Variants in CLASP1 observed in about 807,000 individuals in gnomAD.
CLASP1 encodes cytoplasmic linker associated protein 1, also known as CLIP-associating protein 1.
In CLASP1, 38 loss-of-function variants were observed where a neutral mutation model predicts 192.3. The observed-to-expected ratio is 0.20, with a 90% confidence interval of 0.15 to 0.26. The LOEUF is 0.26. Among genes scored for constraint, CLASP1 ranks in the 10% least tolerant of loss-of-function variants. The pLI is 1.00. For synonymous variants in CLASP1, 691 were observed against 712.8 expected, an observed-to-expected ratio of 0.97 and a Z score of 0.49; for missense variants, 1,433 against 1,932.5, an observed-to-expected ratio of 0.74 and a Z score of 4.85.
intron 2 of CLASP1, among the ~76,000 whole-genome samples, chr2:121,582,369 CAA>C (rs1407283420): frequency 8.1e-6 from 1 of 124,104 alleles, no homozygotes; most frequent in African/African-American, 3.2e-5. Context: ...GAAAGAAAGA[CAA>C]AGACAGAAAG....
At chr2:121,432,995 T>C (rs941040373) in intron 19 of CLASP1, among the ~76,000 whole-genome samples, 1 of 152,196 alleles carries the variant, frequency 6.6e-6, no homozygotes, top group Non-Finnish European at 1.5e-5. Flanking sequence ...AAAGAATTTC[T>C]GAAATTTCAC....
At chr2:121,353,055 C>T (rs1218868946) in intron 37 of CLASP1, among the ~76,000 whole-genome samples, 15 of 152,184 alleles carry the variant, frequency 9.9e-5, no homozygotes, top group Non-Finnish European at 2.2e-4. Context: ...CTAAGCCATA[C>T]ATGGAGGCTC....
At chr2:121,485,792 C>A (rs1347609799) in intron 8 of CLASP1, among the ~76,000 whole-genome samples, 1 of 152,322 alleles carries the variant, frequency 6.6e-6, no homozygotes, top group Admixed American at 6.5e-5. Context: ...AGCTCACATA[C>A]CCTTTGTGTA....
intron 32 of CLASP1, among the ~76,000 whole-genome samples, chr2:121,383,194 C>T (rs777233656): frequency 2.2e-4 from 34 of 152,180 alleles, no homozygotes; most frequent in Non-Finnish European, 4.1e-4. Flanking sequence ...GGGTGGAGTC[C>T]ATGGCATCAG....
At chr2:121,377,716 G>A in intron 33 of CLASP1, 67 bp from the exon 35 acceptor site, 1 of 1,072,756 alleles carries the variant, frequency 9.3e-7, no homozygotes. Context: ...ATGGGCATAA[G>A]TTACTTCCCA....
intron 13 of CLASP1, 71 bp from the exon 14 acceptor site, chr2:121,457,828 C>A: frequency 9.3e-7 from 1 of 1,069,614 alleles, no homozygotes; most frequent in Non-Finnish European, 1.4e-6. Context: ...AAGAGAATCA[C>A]TTCCTTACTA....
At chr2:121,603,507 A>G (rs1242614936) in intron 2 of CLASP1, among the ~76,000 whole-genome samples, 1 of 152,202 alleles carries the variant, frequency 6.6e-6, no homozygotes, top group African/African-American at 2.4e-5. Context: ...GCTGCTATGG[A>G]AAACAGTATG....
intron 1 of CLASP1, among the ~76,000 whole-genome samples, chr2:121,610,639 T>G (rs1270666856): frequency 3.9e-3 from 145 of 36,784 alleles, no homozygotes; most frequent in African/African-American, 8.6e-3. Context: ...GGAGGAGGAG[T>G]TACAGGAGGA....
chr2:121,495,061 G>A (rs978439935), intron 8 of CLASP1, among the ~76,000 whole-genome samples: 2 of 151,446 alleles, frequency 1.3e-5, no homozygotes, highest in African/African-American at 4.9e-5. Flanking sequence ...GGAGGCTCAC[G>A]TCTGTAATCC....
In CLASP1 at chr2:121,567,340, T is replaced by C. The variant is rs574192781; in HGVS notation, c.196-37015A>G. 7.9e-5 allele frequency among the ~76,000 whole-genome samples: 12 copies of C among 152,024 alleles called. No homozygotes were observed. In the South Asian group the frequency reaches 2.3e-3, roughly 29 times the overall value. ...TTCCCAAGAATAGGGGGAAGGAGAG[T>C]ACCCCAGAGCTTCAGTACACATGAT... On this transcript the variant is annotated intron_variant, in intron 2 of 39. Transcript: ENST00000263710.
chr2:121,631,265 T>G (rs1421114123), intron 1 of CLASP1, among the ~76,000 whole-genome samples: 1 of 151,310 alleles, frequency 6.6e-6, no homozygotes, highest in African/African-American at 2.4e-5. Context: ...ACATGACATG[T>G]TTCTACGCCA....
intron 2 of CLASP1, among the ~76,000 whole-genome samples, chr2:121,543,495 T>C (rs1041742458): frequency 2.0e-5 from 3 of 152,092 alleles, no homozygotes; most frequent in African/African-American, 7.2e-5. Context: ...AAGTTTCCCA[T>C]ATGGACTTTC....
intron 2 of CLASP1, among the ~76,000 whole-genome samples, chr2:121,582,157 G>C (rs1424290919): frequency 1.3e-5 from 2 of 150,422 alleles, no homozygotes; most frequent in Non-Finnish European, 3.0e-5. Context: ...ATAATCTGTA[G>C]AAAGAAAGAA....
At chr2:121,396,563 A>G (rs1175592384) in intron 30 of CLASP1, among the ~76,000 whole-genome samples, 1 of 152,212 alleles carries the variant, frequency 6.6e-6, no homozygotes, top group Non-Finnish European at 1.5e-5. Context: ...GGGAGTGGGT[A>G]TTATGATCAA....
chr2:121,527,000 G>A (rs2094590198), intron 5 of CLASP1, among the ~76,000 whole-genome samples: 1 of 152,200 alleles, frequency 6.6e-6, no homozygotes, highest in Non-Finnish European at 1.5e-5. Flanking sequence ...TGGCTAGCAA[G>A]GGTATGAAGA....
At chr2:121,589,515 A>G (rs2062116952) in intron 2 of CLASP1, among the ~76,000 whole-genome samples, 1 of 151,976 alleles carries the variant, frequency 6.6e-6, no homozygotes, top group African/African-American at 2.4e-5. Flanking sequence ...CTGTAGTCTC[A>G]GCTACTCAGG....
At chr2:121,342,904 T>G (rs191845787) in intron 39 of CLASP1, among the ~76,000 whole-genome samples, 30 of 152,302 alleles carry the variant, frequency 2.0e-4, no homozygotes, top group Admixed American at 9.2e-4. Flanking sequence ...GCCACCGCAC[T>G]CCAGCCTGAG....
At chr2:121,343,407 G>A (rs772539446) in intron 39 of CLASP1, among the ~76,000 whole-genome samples, 2 of 152,154 alleles carry the variant, frequency 1.3e-5, no homozygotes, top group African/African-American at 4.8e-5. Context: ...GAGCCAGAAG[G>A]TGGAAGCAAC....
intron 21 of CLASP1, among the ~76,000 whole-genome samples, chr2:121,426,958 C>A (rs1031412556): frequency 2.6e-5 from 4 of 151,820 alleles, no homozygotes; most frequent in Non-Finnish European, 5.9e-5. Flanking sequence ...TAGAATGACC[C>A]AGAGGAAGAA....
Sources: gnomAD v4.1 joint callset for allele counts (sites outside exome capture counted in the v4.1 genomes callset) on GRCh38, gnomAD v4.1.1 for gene constraint, MANE v1.5 for transcripts, NCBI Gene and HGNC (gene_info 2026-07-23, HGNC 2026-07-21) for gene names.